Variants in ARG1 observed in about 807,000 individuals in gnomAD.
The protein encoded by ARG1 is arginase 1, also known as arginase-1.
In ARG1, 20 loss-of-function variants were observed where a neutral mutation model predicts 33.0. The ratio of observed to expected loss-of-function variants is 0.61; its 90% CI spans 0.43 to 0.88. The LOEUF is 0.88. Among genes scored for constraint, ARG1 ranks in the 40% least tolerant of loss-of-function variants. ARG1 has a pLI of 0.00. For synonymous variants in ARG1, 146 were observed against 140.6 expected, an observed-to-expected ratio of 1.04 and a Z score of -0.27; for missense variants, 374 against 384.7, an observed-to-expected ratio of 0.97 and a Z score of 0.23.
intron 4 of ARG1, 86 bp from the exon 5 acceptor site, chr6:131,582,535 C>A (rs574637756): frequency 1.0e-6 from 1 of 976,270 alleles, no homozygotes; most frequent in Non-Finnish European, 1.7e-6. Flanking sequence ...ATAAGATATA[C>A]GCAATCCAAT....
Position 131,574,412 on chromosome 6 carries a change from A to G in ARG1, c.57+1073A>G, listed in dbSNP as rs374041148. On this transcript the variant is annotated intron_variant, in intron 1 of 7. Coordinates refer to ENST00000368087, the MANE Select transcript of ARG1 (RefSeq NM_000045.4). ...CCAAAAGTCTCTCCCAAACACAGGG[A>G]CATTTTGCTGACACAGAAATGTTCC... 53 of 1,162,688 alleles carry G rather than the reference A, an allele frequency of 4.6e-5. No individual in the cohort carries two copies. The East Asian group carries it at 6.6e-4, about 14-fold the overall frequency. The allele number at this position is 1,162,688 out of a possible 1,614,324, so 72.0% of individuals were successfully genotyped here.
At chr6:131,581,773 T>C (rs1235218142) in intron 4 of ARG1, among the ~76,000 whole-genome samples, 2 of 152,206 alleles carry the variant, frequency 1.3e-5, no homozygotes, top group Non-Finnish European at 2.9e-5. Context: ...TTCTGCATTC[T>C]TACTGAGTAG....
chr6:131,574,942 T>G (rs1397602498), intron 1 of ARG1, among the ~76,000 whole-genome samples: 1 of 152,198 alleles, frequency 6.6e-6, no homozygotes. Flanking sequence ...GCCTATGCCC[T>G]TGATTTGCAC....
In ARG1 at chr6:131,573,322, C is replaced by T. The variant is rs1398211516; in HGVS notation, c.40C>T (p.Pro14Ser). The part of the protein sequence containing the change: ...KSRTIGIIGA[P>S]FSKGQPRGGV... ...CAGAACCATAGGGATTATTGGAGCTCCTTTCTCAAAGGGACAGGTAAGGAA... is the reference window on the plus strand; with the variant it reads ...CAGAACCATAGGGATTATTGGAGCTTCTTTCTCAAAGGGACAGGTAAGGAA... The change falls in exon 1 of 8, where the codon CCT (proline) becomes TCT (serine). Residue 14 changes from proline (P) to serine (S), a missense_variant. Pro to Ser is a moderately conservative substitution (Grantham distance 74). Transcript: ENST00000368087. 6.2e-7 allele frequency: 1 copy of T among 1,613,904 alleles called. No homozygotes were observed. The highest frequency in any genetic ancestry group is 1.1e-5 in the South Asian group (1 of 91,072).
chr6:131,576,777 C>CA, intron 2 of ARG1, 42 bp downstream of exon 2: 1 of 1,546,854 alleles, frequency 6.5e-7, no homozygotes, highest in Non-Finnish European at 8.9e-7. Flanking sequence ...ATTTCCTCCC[C>CA]ACTCTGAAGG....
chr6:131,581,736 T>C (rs550082254), intron 4 of ARG1, among the ~76,000 whole-genome samples: 10 of 152,208 alleles, frequency 6.6e-5, no homozygotes, highest in Non-Finnish European at 1.3e-4. Flanking sequence ...TCCTCATTCC[T>C]TCCTCTTTCC....
intron 3 of ARG1, 199 bp downstream of exon 3, chr6:131,579,484 G>T (rs893873280): frequency 3.8e-6 from 2 of 531,182 alleles, no homozygotes; most frequent in African/African-American, 3.8e-5. Context: ...TACAATATCT[G>T]TATTTTGACC....
intron 4 of ARG1, 91 bp downstream of exon 4, chr6:131,581,469 T>C: frequency 7.2e-7 from 1 of 1,390,220 alleles, no homozygotes. Context: ...CATGTTATCT[T>C]ATTCTTGGTG....
intron 1 of ARG1, chr6:131,574,410 G>T: frequency 8.3e-7 from 1 of 1,200,410 alleles, no homozygotes; most frequent in Non-Finnish European, 1.2e-6. Flanking sequence ...CCAAACACAG[G>T]GACATTTTGC....
In ARG1 at chr6:131,581,204, T is replaced by C. The variant is rs985914059; in HGVS notation, c.306-15T>C. ...CTGCAAACCTGATGTTCACACAAAATTTTTTCCCCAAAAGTTTGGCAATTG... is the reference window on the plus strand; with the variant it reads ...CTGCAAACCTGATGTTCACACAAAACTTTTTCCCCAAAAGTTTGGCAATTG... On this transcript the variant is annotated splice_polypyrimidine_tract_variant and intron_variant, in intron 3 of 7. Transcript: ENST00000368087. The C allele has an allele frequency of 3.1e-6, 5 of 1,613,422 alleles. No individual in the cohort carries two copies. Among genetic ancestry groups the C allele is most frequent in the African/African-American group, 1.3e-5 (1 of 74,910 alleles).
In ARG1 at chr6:131,584,065, T is replaced by G; in HGVS notation, c.*157T>G. On this transcript the variant is annotated 3_prime_UTR_variant, in exon 8 of 8. Coordinates refer to ENST00000368087, the MANE Select transcript of ARG1 (RefSeq NM_000045.4). ...TACAAATTCCCTCTTGGTGTAAAATTCAAGATGTGGAAATTCTAACTTTTT... is the reference window on the plus strand; with the variant it reads ...TACAAATTCCCTCTTGGTGTAAAATGCAAGATGTGGAAATTCTAACTTTTT... The G allele has an allele frequency of 1.2e-6, 1 of 833,878 alleles. No homozygotes were observed. Among genetic ancestry groups the G allele is most frequent in the Non-Finnish European group, 1.8e-6 (1 of 556,500 alleles). 51.7% of individuals were successfully genotyped at this position (833,878 alleles called of 1,614,324 possible).
At chr6:131,574,009 G>A (rs1219227750) in intron 1 of ARG1, 1 of 483,670 alleles carries the variant, frequency 2.1e-6, no homozygotes, top group Non-Finnish European at 3.8e-6. Flanking sequence ...GAAACCCCCA[G>A]ATTTCCTTAC....
rs1364011295 is a variant in ARG1 at position 131,583,597 on chromosome 6, C to CCAT, written c.802+109_802+111dup. 4.6e-6 allele frequency: 7 copies of CCAT among 1,530,406 alleles called. No individual in the cohort carries two copies. In the African/African-American group the frequency reaches 6.9e-5, roughly 15 times the overall value. The allele number at this position is 1,530,406 out of a possible 1,614,324, so 94.8% of individuals were successfully genotyped here. A position where few individuals can be genotyped will look rare whatever the true frequency, so the allele number is the denominator to read the frequency against. The stretch of plus-strand genomic sequence containing the variant: ...GTCCCAGCTGACACTTTCAGAATGT[C>CCAT]CATCAGTCACATGATGCAATAACTA... On this transcript the variant is annotated intron_variant, in intron 7 of 7. Transcript: ENST00000368087.
At position 131,583,816 on chromosome 6, in the gene ARG1, G is replaced by C. The variant is rs763625573; in HGVS notation, c.877G>C (p.Val293Leu). 6 of 1,614,148 alleles carry C rather than the reference G, an allele frequency of 3.7e-6. No individual in the cohort carries two copies. In the South Asian group the frequency reaches 6.6e-5, roughly 18 times the overall value. ...GKTPEEVTRT[V>L]NTAVAITLAC... ...GACACCAGAAGAAGTAACTCGAACAGTGAACACAGCAGTTGCAATAACCTT... is the reference window on the plus strand; with the variant it reads ...GACACCAGAAGAAGTAACTCGAACACTGAACACAGCAGTTGCAATAACCTT... Residue 293 changes from valine to leucine, a missense_variant, in exon 8 of 8, where the codon GTG (valine) becomes CTG (leucine). Val to Leu is a conservative substitution (Grantham distance 32). Coordinates refer to ENST00000368087, the MANE Select transcript of ARG1 (RefSeq NM_000045.4).
rs762306280 is a variant in ARG1, at chr6:131,581,227, T to C, written c.314T>C (p.Ile105Thr). ...AATTTTTTCCCCAAAAGTTTGGCAA[T>C]TGGAAGCATCTCTGGCCATGCCAGG... ...LVLGGDHSLA[I>T]GSISGHARVH... Residue 105 changes from isoleucine (I) to threonine (T), a missense_variant, in exon 4 of 8, where the codon ATT (isoleucine) becomes ACT (threonine). Physicochemically the swap from Ile to Thr is moderately conservative, Grantham distance 89. Transcript: ENST00000368087. 9 of 1,613,720 alleles carry C rather than the reference T, an allele frequency of 5.6e-6. No homozygotes were observed. In the East Asian group the frequency reaches 1.1e-4, roughly 20 times the overall value.
chr6:131,574,253 T>C, intron 1 of ARG1: 2 of 1,613,542 alleles, frequency 1.2e-6, no homozygotes, highest in Non-Finnish European at 1.7e-6. Flanking sequence ...AGCGTTTTGC[T>C]TCCTCTTAAT....
chr6:131,580,945 C>T (rs1032127949), intron 3 of ARG1, among the ~76,000 whole-genome samples: 1 of 152,104 alleles, frequency 6.6e-6, no homozygotes, highest in African/African-American at 2.4e-5. Context: ...TGGCTACGCT[C>T]TAATCGTGGT....
At chr6:131,579,401 A>T in intron 3 of ARG1, 116 bp downstream of exon 3, 1 of 1,264,480 alleles carries the variant, frequency 7.9e-7, no homozygotes, top group Non-Finnish European at 1.1e-6. Flanking sequence ...ATTTTATATC[A>T]AATTTTCTGC....
rs573475393 is a variant in ARG1, at chr6:131,574,170, C to T, written c.57+831C>T. The T allele has an allele frequency of 8.0e-6, 10 of 1,243,082 alleles. No individual in the cohort carries two copies. The East Asian group carries it at 1.6e-4, about 20-fold the overall frequency. The allele number at this position is 1,243,082 out of a possible 1,614,324, so 77.0% of individuals were successfully genotyped here. On this transcript the variant is annotated intron_variant, in intron 1 of 7. Coordinates refer to ENST00000368087, the MANE Select transcript of ARG1 (RefSeq NM_000045.4). Reference sequence around the variant, plus strand: ...CTTAAAGAGGATAAAAAACAAAGAACAAAATCAAACAAGACAATGTATGAG... The same window carrying T: ...CTTAAAGAGGATAAAAAACAAAGAATAAAATCAAACAAGACAATGTATGAG...
Sources: gnomAD v4.1 joint callset for allele counts (sites outside exome capture counted in the v4.1 genomes callset) on GRCh38, gnomAD v4.1.1 for gene constraint, MANE v1.5 for transcripts, NCBI Gene and HGNC (gene_info 2026-07-23, HGNC 2026-07-21) for gene names.